MICU3: variants seen among roughly 807,000 people sequenced by gnomAD.
MICU3 encodes the protein mitochondrial calcium uptake 3.
A neutral mutation model predicts 66.5 loss-of-function variants in MICU3; 62 were observed. The observed-to-expected ratio is 0.93, with a 90% CI of 0.76 to 1.15. The LOEUF (loss-of-function observed/expected upper bound fraction) is 1.15. MICU3 is among the 50% of genes most tolerant of loss of function. MICU3 has a pLI of 0.00. For missense variants in MICU3, 779 were observed against 664.4 expected (o/e 1.17, Z -1.90); for synonymous variants, 308 against 240.7 (o/e 1.28, Z -2.59).
At chr8:17,038,435 A>G (rs1287585077) in intron 1 of MICU3, among the ~76,000 whole-genome samples, 5 of 152,174 alleles carry the variant, frequency 3.3e-5, no homozygotes, top group African/African-American at 9.7e-5. Context: ...GCCTTCTGAC[A>G]TGACTGTGAG....
intron 8 of MICU3, among the ~76,000 whole-genome samples, chr8:17,095,774 CT>C (rs1457696364): frequency 6.6e-6 from 1 of 151,600 alleles, no homozygotes; most frequent in African/African-American, 2.4e-5. Flanking sequence ...TCCTCCCTTC[CT>C]TTTTTGTCTC....
At position 17,029,321 on chromosome 8, in the gene MICU3, C is replaced by G. The variant is rs188091029; in HGVS notation, c.381+1661C>G. On this transcript the variant is annotated intron_variant, in intron 1 of 14. Coordinates refer to ENST00000318063, the MANE Select transcript of MICU3 (RefSeq NM_181723.3). ...CGAAACCTCGTCTCTACTAAAAATA[C>G]AAAAATCAGCCGGGTGTGGTGTTGG... is the stretch of plus-strand genomic sequence containing the variant. Among the ~76,000 whole-genome samples the G allele has an allele frequency of 1.3e-4, 20 of 152,172 alleles. No homozygotes were observed. The East Asian group carries it at 3.5e-3, about 27-fold the overall frequency.
intron 1 of MICU3, among the ~76,000 whole-genome samples, chr8:17,061,357 A>T (rs1817794975): frequency 6.6e-6 from 1 of 152,072 alleles, no homozygotes; most frequent in African/African-American, 2.4e-5. Context: ...TGATGAAAAA[A>T]CAGGCATCTC....
chr8:17,052,081 A>G (rs1816192470), intron 1 of MICU3, among the ~76,000 whole-genome samples: 1 of 152,190 alleles, frequency 6.6e-6, no homozygotes, highest in East Asian at 1.9e-4. Flanking sequence ...GCCTCTAGAG[A>G]AAAAGACTTT....
the MICU3 span, chr8:17,134,236 G>T: frequency 3.9e-5 from 6 of 152,172 alleles, no homozygotes; most frequent in African/African-American, 1.4e-4. Context: ...AGATCTGCAG[G>T]GGGAGGTGGC....
At chr8:17,084,340 G>A (rs1219776578) in intron 5 of MICU3, among the ~76,000 whole-genome samples, 1 of 152,088 alleles carries the variant, frequency 6.6e-6, no homozygotes, top group Non-Finnish European at 1.5e-5. Flanking sequence ...TTGCATAAAG[G>A]ATTGGCTTCT....
At position 17,114,121 on chromosome 8, in the gene MICU3, T is replaced by C. The variant is rs765129609; in HGVS notation, c.1286T>C (p.Phe429Ser). ...ATCACATTTGATGAATTCAGGTCAT[T>C]TTTCCAGTTTTTAAACAACCTAGAA... Reference protein sequence around the residue: ...KGITFDEFRSFFQFLNNLEDF... With the variant: ...KGITFDEFRSSFQFLNNLEDF... The change falls in exon 12 of 15, where the codon TTT (phenylalanine) becomes TCT (serine). Residue 429 changes from phenylalanine to serine, a missense_variant. By Grantham distance (155) the Phe-to-Ser change is radical. Coordinates refer to ENST00000318063, the MANE Select transcript of MICU3 (RefSeq NM_181723.3). 6 of 1,612,186 alleles carry C rather than the reference T, an allele frequency of 3.7e-6. 1 individual carries two copies. In the South Asian group the frequency reaches 6.6e-5, roughly 18 times the overall value.
chr8:17,115,149 CTAT>C (rs1563398881), intron 12 of MICU3, among the ~76,000 whole-genome samples: 1 of 151,384 alleles, frequency 6.6e-6, no homozygotes, highest in East Asian at 1.9e-4. Flanking sequence ...AGAGGACAGG[CTAT>C]TATTATGTTC....
chr8:17,037,920 C>T lies in MICU3; in HGVS notation c.381+10260C>T, dbSNP rs144845732. 8.5e-5 allele frequency among the ~76,000 whole-genome samples: 13 copies of T among 152,300 alleles called. No individual in the cohort carries two copies. The East Asian group carries it at 1.9e-3, about 23-fold the overall frequency. On this transcript the variant is annotated intron_variant, in intron 1 of 14. Coordinates refer to ENST00000318063, the MANE Select transcript of MICU3 (RefSeq NM_181723.3). ...TTTGCCTGTCCTGTTGGATTTTGGA[C>T]TGGCATGGGACTGTAGCCCCTTTGT...
Position 17,122,370 on chromosome 8 carries a change from A to G in MICU3, c.*2083A>G, listed in dbSNP as rs1803255705. ...AAAATTTGCTAGTGGTTTGAAAATA[A>G]TAATGTACTGACTACATGTATGCTG... On this transcript the variant is annotated 3_prime_UTR_variant, in exon 15 of 15. Transcript: ENST00000318063. 6.6e-6 allele frequency: 1 copy of G among 151,918 alleles called. No individual in the cohort carries two copies. The highest frequency in any genetic ancestry group is 2.4e-5 in the African/African-American group (1 of 41,456). 9.4% of individuals were successfully genotyped at this position (151,918 alleles called of 1,614,324 possible).
Position 17,027,671 on chromosome 8 carries a change from G to A in MICU3, c.381+11G>A. ...GCTGCCAAGGAGACGGTGAGTGCGC[G>A]AGCGCGCGTCACACCTGCGCGGGGG... is the stretch of plus-strand genomic sequence containing the variant. On this transcript the variant is annotated intron_variant, in intron 1 of 14. Transcript: ENST00000318063. 1 of 1,287,596 alleles carries A rather than the reference G, an allele frequency of 7.8e-7. No homozygotes were observed. The highest frequency in any genetic ancestry group is 9.8e-7 in the Non-Finnish European group (1 of 1,020,212). The allele number at this position is 1,287,596 out of a possible 1,614,324, so 79.8% of individuals were successfully genotyped here.
chr8:17,061,868 G>C (rs1048671069), intron 1 of MICU3, among the ~76,000 whole-genome samples: 2 of 152,128 alleles, frequency 1.3e-5, no homozygotes, highest in African/African-American at 4.8e-5. Context: ...CCAGTGAGCT[G>C]TTCAGTATCT....
At chr8:17,135,071 C>CT in the MICU3 span, among the ~76,000 whole-genome samples, 49 of 152,306 alleles carry the variant, frequency 3.2e-4, no homozygotes, top group Non-Finnish European at 6.2e-4. Context: ...CAATTATGGT[C>CT]TTTCCTATAA....
chr8:17,036,892 G>T (rs1210839266), intron 1 of MICU3, among the ~76,000 whole-genome samples: 1 of 152,224 alleles, frequency 6.6e-6, no homozygotes, highest in Non-Finnish European at 1.5e-5. Flanking sequence ...GGAGGCTTGG[G>T]CCGCACAGGA....
intron 1 of MICU3, among the ~76,000 whole-genome samples, chr8:17,039,176 A>C (rs889371801): frequency 6.6e-6 from 1 of 152,172 alleles, no homozygotes; most frequent in African/African-American, 2.4e-5. Flanking sequence ...TTGTAGACAT[A>C]ATGCTGTTGC....
chr8:17,071,954 A>G (rs1418468103), intron 3 of MICU3, among the ~76,000 whole-genome samples: 1 of 152,200 alleles, frequency 6.6e-6, no homozygotes, highest in Non-Finnish European at 1.5e-5. Context: ...CCATTTCCTT[A>G]TGATAATGAT....
chr8:17,054,569 T>C (rs1367077682), intron 1 of MICU3, among the ~76,000 whole-genome samples: 3 of 152,166 alleles, frequency 2.0e-5, no homozygotes, highest in Non-Finnish European at 4.4e-5. Flanking sequence ...AGTCAGTTTT[T>C]GTAAACTAAA....
chr8:17,071,061 A>G (rs190408258), intron 3 of MICU3, among the ~76,000 whole-genome samples: 1 of 152,258 alleles, frequency 6.6e-6, no homozygotes, highest in Admixed American at 6.5e-5. Context: ...GGAACTTTCT[A>G]TTTAATGTTT....
At position 17,118,732 on chromosome 8, in the gene MICU3, C is replaced by T; in HGVS notation, c.1550C>T (p.Pro517Leu). The stretch of plus-strand genomic sequence containing the variant: ...GGTTATAAAACAGTCCAGAAGTACC[C>T]CACTTTCAAATCCTGCCTGAAGAAA... The part of the protein sequence containing the change: ...FRGYKTVQKY[P>L]TFKSCLKKEL... Residue 517 changes from proline (P) to leucine (L), a missense_variant, in exon 14 of 15, where the codon CCC (proline) becomes CTC (leucine). Pro to Leu is a moderately conservative substitution (Grantham distance 98). Transcript: ENST00000318063. 1 of 1,612,394 alleles carries T rather than the reference C, an allele frequency of 6.2e-7. No individual in the cohort carries two copies. Among genetic ancestry groups the T allele is most frequent in the Non-Finnish European group, 8.5e-7 (1 of 1,178,706 alleles).
Sources: allele counts gnomAD v4.1 joint callset (sites outside exome capture counted in the v4.1 genomes callset), GRCh38; gene constraint gnomAD v4.1.1; transcripts MANE v1.5; gene names NCBI Gene and HGNC (gene_info 2026-07-23, HGNC 2026-07-21).